ATAD2B: variants seen among roughly 807,000 people sequenced by gnomAD.
ATAD2B encodes ATPase family AAA domain containing 2B, also known as ATPase family AAA domain-containing protein 2B.
Under a neutral mutation model 167.6 loss-of-function variants are expected in ATAD2B, and 40 were observed. That is an observed-to-expected ratio of 0.24 (90% CI 0.19 to 0.31). The LOEUF (loss-of-function observed/expected upper bound fraction) is 0.31, where lower values mean the gene tolerates loss of function less well. Among genes scored for constraint, ATAD2B ranks in the 10% least tolerant of loss-of-function variants. The pLI is 1.00. For missense variants in ATAD2B, 1,242 were observed against 1,757.2 expected (o/e 0.71, Z 5.24); for synonymous variants, 579 against 596.5 (o/e 0.97, Z 0.43).
At chr2:23,690,892 C>T in the ATAD2B span, 1 of 152,426 alleles carries the variant, frequency 6.6e-6, no homozygotes, top group Non-Finnish European at 1.5e-5. Context: ...CCCCCAGTTC[C>T]CCAGCCCGAC....
At chr2:23,861,071 T>TTTGG (rs1350953905) in intron 12 of ATAD2B, among the ~76,000 whole-genome samples, 8 of 152,046 alleles carry the variant, frequency 5.3e-5, no homozygotes, top group Non-Finnish European at 8.8e-5. Context: ...GGCTCACACC[T>TTTGG]GTAATCCCAG....
rs1423235015 is a variant in ATAD2B at position 23,887,869 on chromosome 2, C to T, written c.535G>A (p.Val179Met). The change falls in exon 4 of 28, where the codon GTG becomes ATG. Residue 179 changes from valine to methionine, a missense_variant. By Grantham distance (21) the Val-to-Met change is conservative. Around this residue, in one of 9 missense-constraint regions of ATAD2B, gnomAD observed 99 missense variants for 160.4 expected, o/e 0.62. Coordinates refer to ENST00000238789, the MANE Select transcript of ATAD2B (RefSeq NM_017552.4). ...CRSRKNRFES[V>M]NQSLLFDQLV... Reference sequence around the variant, plus strand: ...TGATCAAATAACAAACTCTGGTTCACACTTTCAAATCTGTTTTTCCTGGAA... The same window carrying T: ...TGATCAAATAACAAACTCTGGTTCATACTTTCAAATCTGTTTTTCCTGGAA... 5.6e-6 allele frequency: 9 copies of T among 1,608,152 alleles called. No homozygotes were observed. Among genetic ancestry groups the T allele is most frequent in the Non-Finnish European group, 7.6e-6 (9 of 1,177,820 alleles).
chr2:23,706,161 C>A, the ATAD2B span, among the ~76,000 whole-genome samples: 31 of 152,308 alleles, frequency 2.0e-4, no homozygotes, highest in African/African-American at 6.7e-4. Context: ...CAAGAGCCTC[C>A]AGAAAGCCTC....
intron 6 of ATAD2B, chr2:23,883,768 TG>T (rs1398687693): frequency 3.0e-6 from 1 of 331,162 alleles, no homozygotes; most frequent in Non-Finnish European, 5.8e-6. Context: ...ACACAAATAA[TG>T]GGAACTAGTA....
chr2:23,754,925 G>T, intron 25 of ATAD2B, 151 bp from the exon 26 acceptor site: 1 of 722,502 alleles, frequency 1.4e-6, no homozygotes, highest in Non-Finnish European at 2.1e-6. Flanking sequence ...GCAACCCAAT[G>T]TGGTAGATTT....
At chr2:23,737,627 A>G in the ATAD2B span, among the ~76,000 whole-genome samples, 1 of 152,218 alleles carries the variant, frequency 6.6e-6, no homozygotes, top group Non-Finnish European at 1.5e-5. Flanking sequence ...TGGAAACTCT[A>G]AAAATCAGAG....
the ATAD2B span, among the ~76,000 whole-genome samples, chr2:23,702,265 T>C: frequency 2.2e-4 from 34 of 152,322 alleles, no homozygotes; most frequent in Admixed American, 8.5e-4. Context: ...ACACCTGCCC[T>C]ACTGAACATC....
At chr2:23,873,359 T>C (rs1254921002) in intron 8 of ATAD2B, among the ~76,000 whole-genome samples, 1 of 152,164 alleles carries the variant, frequency 6.6e-6, no homozygotes, top group Non-Finnish European at 1.5e-5. Flanking sequence ...TATAAACATA[T>C]ACAGTCATCC....
At chr2:23,841,179 T>A (rs1483848756) in intron 13 of ATAD2B, among the ~76,000 whole-genome samples, 3 of 146,112 alleles carry the variant, frequency 2.1e-5, no homozygotes, top group African/African-American at 7.6e-5. Flanking sequence ...GCTTAAATGA[T>A]CCTCCTACCC....
the ATAD2B span, chr2:23,706,905 C>A: frequency 2.3e-6 from 1 of 442,860 alleles, no homozygotes; most frequent in South Asian, 4.3e-5. Flanking sequence ...CTGGCTGCCT[C>A]CTGAACAGGG....
At position 23,926,636 on chromosome 2, in the gene ATAD2B, G is replaced by A. The variant is rs1405059385; in HGVS notation, c.135C>T (p.Ser45=). ...GGCAGCTGGCGGCGCGGGTCTTGGA[G>A]GAGCGGGTCCGAGAGGAGATGAAAT... The part of the protein sequence containing the change: ...SSHFISSRTR[S]SKTRAASCPA... The change falls in exon 1 of 28, where the codon TCC becomes TCT. Residue 45 remains serine (S), a synonymous_variant. Coordinates refer to ENST00000238789, the MANE Select transcript of ATAD2B (RefSeq NM_017552.4). The A allele has an allele frequency of 1.3e-5, 20 of 1,564,090 alleles. No individual in the cohort carries two copies. The highest frequency in any genetic ancestry group is 3.4e-4 in the Middle Eastern group (2 of 5,948).
At chr2:23,870,941 T>C (rs1695872873) in intron 8 of ATAD2B, among the ~76,000 whole-genome samples, 1 of 152,134 alleles carries the variant, frequency 6.6e-6, no homozygotes. Flanking sequence ...AGATTATTAG[T>C]ATAACTCATG....
chr2:23,863,577 G>T lies in ATAD2B; in HGVS notation c.1305-22C>A, dbSNP rs199633187. ...GCCCCTAGAAGAATAAAAAAATCAA[G>T]AAGTGTAAATTATATTATCATCACT... On this transcript the variant is annotated intron_variant, in intron 11 of 27. Coordinates refer to ENST00000238789, the MANE Select transcript of ATAD2B (RefSeq NM_017552.4). 364 of 1,532,380 alleles carry T rather than the reference G, an allele frequency of 2.4e-4. 2 individuals are homozygous for T. The African/African-American group carries it at 4.4e-3, about 19-fold the overall frequency. 94.9% of individuals were successfully genotyped at this position (1,532,380 alleles called of 1,614,324 possible).
intron 18 of ATAD2B, among the ~76,000 whole-genome samples, chr2:23,799,651 T>C (rs1572804205): frequency 6.6e-6 from 1 of 151,312 alleles, no homozygotes; most frequent in East Asian, 1.9e-4. Context: ...AAGAATCAAG[T>C]ATTATTTTTC....
In ATAD2B at chr2:23,907,469, G is replaced by A. The variant is rs1305797713; in HGVS notation, c.217-11499C>T. Among the ~76,000 whole-genome samples the A allele has an allele frequency of 2.6e-5, 4 of 152,064 alleles. No individual in the cohort carries two copies. The East Asian group carries it at 7.7e-4, about 29-fold the overall frequency. ...AACCACTGCTCAAGGAAATAAAAGA[G>A]GATACAAACAAATGGAAGAACATTC... On this transcript the variant is annotated intron_variant, in intron 1 of 27. Transcript: ENST00000238789.
chr2:23,839,917 T>A (rs1690614165), intron 13 of ATAD2B, among the ~76,000 whole-genome samples: 1 of 152,138 alleles, frequency 6.6e-6, no homozygotes, highest in Non-Finnish European at 1.5e-5. Flanking sequence ...TAGGGAACCA[T>A]TCATCTGTAT....
chr2:23,687,884 A>G, the ATAD2B span, among the ~76,000 whole-genome samples: 1 of 152,098 alleles, frequency 6.6e-6, no homozygotes, highest in East Asian at 1.9e-4. Context: ...TTGCGACCAG[A>G]TGTGTGTTTT....
Position 23,899,588 on chromosome 2 carries a change from A to AT in ATAD2B, c.217-3619dup, listed in dbSNP as rs995966970. Among the ~76,000 whole-genome samples the AT allele has an allele frequency of 1.2e-4, 18 of 151,746 alleles. 1 individual carries two copies. Among genetic ancestry groups the AT allele is most frequent in the African/African-American group, 4.1e-4 (17 of 41,364 alleles). Reference sequence around the variant, plus strand: ...GAGTGTTTTTAAATTTAGTCCTTTCATTTTTTTCTTTTTTTTCTCTGAGAT... The same window carrying AT: ...GAGTGTTTTTAAATTTAGTCCTTTCATTTTTTTTCTTTTTTTTCTCTGAGAT... On this transcript the variant is annotated intron_variant, in intron 1 of 27. Transcript: ENST00000238789.
intron 1 of ATAD2B, among the ~76,000 whole-genome samples, chr2:23,917,734 C>A (rs970134656): frequency 6.6e-6 from 1 of 151,996 alleles, no homozygotes; most frequent in Non-Finnish European, 1.5e-5. Flanking sequence ...CAAAACCAGC[C>A]TGGGCAACAT....
Sources: gnomAD v4.1 joint callset for allele counts (sites outside exome capture counted in the v4.1 genomes callset) on GRCh38, gnomAD v4.1.1 for gene constraint, gnomAD v4.1.1 regional missense constraint, MANE v1.5 for transcripts, NCBI Gene and HGNC (gene_info 2026-07-23, HGNC 2026-07-21) for gene names.